PCBP3: variants seen among roughly 807,000 people sequenced by gnomAD.
The protein encoded by PCBP3 is poly(rC)-binding protein 3.
In PCBP3, 25 loss-of-function variants were observed where a neutral mutation model predicts 52.7. The ratio of observed to expected loss-of-function variants is 0.47; its 90% CI spans 0.35 to 0.66. The LOEUF is 0.66. Among genes scored for constraint, PCBP3 ranks in the 30% least tolerant of loss-of-function variants. The pLI is 0.01. For missense variants in PCBP3, 391 were observed against 490.3 expected, an observed-to-expected ratio of 0.80 and a Z score of 1.91; for synonymous variants, 162 against 183.0, an observed-to-expected ratio of 0.89 and a Z score of 0.93.
chr21:45,905,018 C>T (rs1487815520), intron 9 of PCBP3, among the ~76,000 whole-genome samples: 4 of 152,232 alleles, frequency 2.6e-5, no homozygotes, highest in African/African-American at 7.2e-5. Flanking sequence ...TGTTTGAAAT[C>T]ATCTGGTACC....
In PCBP3 at chr21:45,650,496, G is replaced by A. The variant is rs374681427; in HGVS notation, c.-279+6628G>A. Among the ~76,000 whole-genome samples the A allele has an allele frequency of 2.7e-3, 418 of 152,126 alleles. 4 individuals are homozygous for A. Among genetic ancestry groups the A allele is most frequent in the African/African-American group, 9.7e-3 (402 of 41,484 alleles). ...GACAGGGACTCTCTCTGTCACCCAG[G>A]CTAGAGTGTAGTGGTGCTATCATAT... On this transcript the variant is annotated intron_variant, in intron 1 of 17. Transcript: ENST00000681687.
intron 4 of PCBP3, among the ~76,000 whole-genome samples, chr21:45,847,955 G>T (rs2093851318): frequency 6.6e-6 from 1 of 152,090 alleles, no homozygotes; most frequent in South Asian, 2.1e-4. Flanking sequence ...GTCTTTGTTG[G>T]CCTGGGCTCT....
At chr21:45,782,859 G>A (rs1372222395) in intron 4 of PCBP3, among the ~76,000 whole-genome samples, 4 of 152,216 alleles carry the variant, frequency 2.6e-5, no homozygotes, top group Non-Finnish European at 5.9e-5. Flanking sequence ...GCACAATCTC[G>A]TGGTGGGCAC....
intron 16 of PCBP3, among the ~76,000 whole-genome samples, chr21:45,939,735 G>A (rs970608036): frequency 6.6e-6 from 1 of 152,314 alleles, no homozygotes; most frequent in Non-Finnish European, 1.5e-5. Context: ...CACCCAGGCC[G>A]AGTGACTGTG....
chr21:45,690,872 C>A (rs1379385509), intron 2 of PCBP3, among the ~76,000 whole-genome samples: 2 of 152,046 alleles, frequency 1.3e-5, no homozygotes, highest in South Asian at 4.1e-4. Context: ...AGTAGTGATA[C>A]AAATAGTGGT....
Position 45,800,402 on chromosome 21 carries a change from T to C in PCBP3, c.-126+44950T>C, listed in dbSNP as rs1233827746. Among the ~76,000 whole-genome samples the C allele has an allele frequency of 6.6e-6, 1 of 152,174 alleles. No individual in the cohort carries two copies. Among genetic ancestry groups the C allele is most frequent in the Admixed American group, 6.5e-5 (1 of 15,288 alleles). On this transcript the variant is annotated intron_variant, in intron 4 of 17. Coordinates refer to ENST00000681687, the MANE Select transcript of PCBP3 (RefSeq NM_001384156.1). This position sits in a 1 kb window ranked among gnomAD's most constrained non-coding sequence, Gnocchi z 5.3. ...GCCTTTGTAGACAAAGGAAGAGACC[T>C]TGGAACCTGAGGGTAAATGGAGAGG...
At chr21:45,743,040 T>A (rs1265188105) in intron 3 of PCBP3, among the ~76,000 whole-genome samples, 1 of 152,210 alleles carries the variant, frequency 6.6e-6, no homozygotes, top group Non-Finnish European at 1.5e-5. Context: ...AATAGTTTCC[T>A]ATATAGAAAG....
chr21:45,791,422 A>G lies in PCBP3; in HGVS notation c.-126+35970A>G, dbSNP rs1437642030. Reference sequence around the variant, plus strand: ...CCAGTTGTGTGCAGCTCCAGAGTCTAGGCACGGAATTGACAGAGAGTGAGA... The same window carrying G: ...CCAGTTGTGTGCAGCTCCAGAGTCTGGGCACGGAATTGACAGAGAGTGAGA... On this transcript the variant is annotated intron_variant, in intron 4 of 17. Transcript: ENST00000681687. The surrounding 1 kb of genome is among the most constrained non-coding windows in gnomAD (Gnocchi z 4.2). Among the ~76,000 whole-genome samples, 1 of 152,088 alleles carries G rather than the reference A, an allele frequency of 6.6e-6. No homozygotes were observed. Among genetic ancestry groups the G allele is most frequent in the Non-Finnish European group, 1.5e-5 (1 of 68,010 alleles).
chr21:45,745,939 G>A (rs1013796616), intron 3 of PCBP3, among the ~76,000 whole-genome samples: 3 of 143,978 alleles, frequency 2.1e-5, no homozygotes, highest in African/African-American at 2.6e-5. Context: ...TTGACGTAGC[G>A]CCACACGGTG....
chr21:45,737,206 G>A lies in PCBP3; in HGVS notation c.-162+1777G>A, dbSNP rs551513258. On this transcript the variant is annotated intron_variant, in intron 3 of 17. Transcript: ENST00000681687. This position sits in a 1 kb window ranked among gnomAD's most constrained non-coding sequence, Gnocchi z 4.9. ...GGCTGCTCTCAGTCCACGTGGCGTCGGGGCTGAGAGGAGCCCACAGCAGGG... is the reference window on the plus strand; with the variant it reads ...GGCTGCTCTCAGTCCACGTGGCGTCAGGGCTGAGAGGAGCCCACAGCAGGG... Among the ~76,000 whole-genome samples, 33 of 152,130 alleles carry A rather than the reference G, an allele frequency of 2.2e-4. No individual in the cohort carries two copies. Among genetic ancestry groups the A allele is most frequent in the South Asian group, 4.1e-4 (2 of 4,820 alleles).
intron 5 of PCBP3, among the ~76,000 whole-genome samples, chr21:45,862,033 A>T (rs1000082110): frequency 2.6e-5 from 4 of 152,134 alleles, no homozygotes; most frequent in Non-Finnish European, 5.9e-5. Context: ...CTGTGTCCCC[A>T]TGGTGGATGG....
In PCBP3 at chr21:45,917,512, T is replaced by C. The variant is rs1408329320; in HGVS notation, c.676-76T>C. 8.7e-7 allele frequency: 1 copy of C among 1,152,362 alleles called. No individual in the cohort carries two copies. The highest frequency in any genetic ancestry group is 1.3e-6 in the Non-Finnish European group (1 of 767,132). The allele number at this position is 1,152,362 out of a possible 1,614,324, so 71.4% of individuals were successfully genotyped here. A position where few individuals can be genotyped will look rare whatever the true frequency, so the allele number is the denominator to read the frequency against. On this transcript the variant is annotated intron_variant, in intron 12 of 17. Coordinates refer to ENST00000681687, the MANE Select transcript of PCBP3 (RefSeq NM_001384156.1). This position sits in a 1 kb window ranked among gnomAD's most constrained non-coding sequence, Gnocchi z 5.3. ...AGCTTCTACCGGAGGGTCCTTGTCA[T>C]GCTGGAGGGTGGCGGCGGGTGCTGA...
Position 45,690,158 on chromosome 21 carries a change from C to G in PCBP3, c.-200+21206C>G, listed in dbSNP as rs76123747. ...ATAGGCATGTAGATGGAACAGAACA[C>G]AGAGTCTAAAAATAGACCCAAGCTT... On this transcript the variant is annotated intron_variant, in intron 2 of 17. Coordinates refer to ENST00000681687, the MANE Select transcript of PCBP3 (RefSeq NM_001384156.1). Among the ~76,000 whole-genome samples the G allele has an allele frequency of 3.0e-3, 462 of 152,218 alleles. 3 individuals are homozygous for G. The highest frequency in any genetic ancestry group is 4.6e-3 in the Admixed American group (71 of 15,290).
rs1034539965 is a variant in PCBP3, at chr21:45,800,081, C to G, written c.-126+44629C>G. Among the ~76,000 whole-genome samples the G allele has an allele frequency of 6.6e-6, 1 of 152,190 alleles. No individual in the cohort carries two copies. The highest frequency in any genetic ancestry group is 2.1e-4 in the South Asian group (1 of 4,828). On this transcript the variant is annotated intron_variant, in intron 4 of 17. Transcript: ENST00000681687. This position sits in a 1 kb window ranked among gnomAD's most constrained non-coding sequence, Gnocchi z 5.3. Reference sequence around the variant, plus strand: ...ACCCAGTGATGGTTCTTGTGCTGTTCTCTCTTCATGAATCATGGCCTGGCT... The same window carrying G: ...ACCCAGTGATGGTTCTTGTGCTGTTGTCTCTTCATGAATCATGGCCTGGCT...
chr21:45,678,029 C>T (rs1042388736), intron 2 of PCBP3, among the ~76,000 whole-genome samples: 2 of 152,170 alleles, frequency 1.3e-5, no homozygotes, highest in Non-Finnish European at 2.9e-5. Flanking sequence ...TTTTGACTTT[C>T]AAGTGTTACT....
At chr21:45,892,474 G>T (rs867675072) in intron 5 of PCBP3, among the ~76,000 whole-genome samples, 2 of 84,784 alleles carry the variant, frequency 2.4e-5, no homozygotes, top group East Asian at 4.4e-4. Flanking sequence ...GGGGCGTGGG[G>T]GGGGGGGCGG....
chr21:45,827,706 C>T lies in PCBP3; in HGVS notation c.-125-22255C>T, dbSNP rs1366310981. Among the ~76,000 whole-genome samples the T allele has an allele frequency of 6.6e-6, 1 of 152,216 alleles. No homozygotes were observed. Among genetic ancestry groups the T allele is most frequent in the Non-Finnish European group, 1.5e-5 (1 of 68,028 alleles). ...ACATCTCAGCCAAGCTGTTAATAAG[C>T]AGAACTCAGGGTCCCAGGGAAGTCC... On this transcript the variant is annotated intron_variant, in intron 4 of 17. Coordinates refer to ENST00000681687, the MANE Select transcript of PCBP3 (RefSeq NM_001384156.1). This position sits in a 1 kb window ranked among gnomAD's most constrained non-coding sequence, Gnocchi z 4.3.
At chr21:45,873,608 C>T (rs117063792) in intron 5 of PCBP3, among the ~76,000 whole-genome samples, 13 of 152,252 alleles carry the variant, frequency 8.5e-5, no homozygotes, top group East Asian at 1.9e-4. Context: ...CCCAAGTCCC[C>T]GTGAGGGTGG....
intron 1 of PCBP3, among the ~76,000 whole-genome samples, chr21:45,655,459 C>G (rs1425634735): frequency 6.6e-6 from 1 of 151,916 alleles, no homozygotes; most frequent in Non-Finnish European, 1.5e-5. Context: ...TGATTATAGC[C>G]ATGTAGTGGG....
Sources: allele counts gnomAD v4.1 joint callset (sites outside exome capture counted in the v4.1 genomes callset), GRCh38; gene constraint gnomAD v4.1.1; non-coding constraint Gnocchi (gnomAD v3.1); transcripts MANE v1.5; gene names NCBI Gene and HGNC (gene_info 2026-07-23, HGNC 2026-07-21).